The following USP34 variants were observed in gnomAD, a reference collection of about 807,000 sequenced individuals.
USP34 encodes the protein ubiquitin carboxyl-terminal hydrolase 34.
Under a neutral mutation model 460.3 loss-of-function variants are expected in USP34, and 70 were observed. The ratio of observed to expected loss-of-function variants is 0.15; its 90% CI spans 0.13 to 0.19. The LOEUF is 0.19. Among genes scored for constraint, USP34 ranks in the 10% least tolerant of loss-of-function variants. The pLI is 1.00. For missense variants in USP34, 3,985 were observed against 4,236.2 expected (o/e 0.94, Z 1.65); for synonymous variants, 1,647 against 1,405.3 (o/e 1.17, Z -3.85).
intron 27 of USP34, among the ~76,000 whole-genome samples, chr2:61,307,303 C>G (rs113169346): frequency 9.2e-6 from 1 of 108,846 alleles, no homozygotes; most frequent in Non-Finnish European, 1.7e-5. Context: ...CATCACACAC[C>G]GGGGCCTGTC....
At chr2:61,390,004 T>C (rs1425863300) in intron 5 of USP34, among the ~76,000 whole-genome samples, 1 of 152,182 alleles carries the variant, frequency 6.6e-6, no homozygotes, top group Non-Finnish European at 1.5e-5. Flanking sequence ...AAAAAATATG[T>C]AATCCTACCC....
chr2:61,273,881 AAT>A (rs1377230169), intron 41 of USP34, among the ~76,000 whole-genome samples: 1 of 152,190 alleles, frequency 6.6e-6, no homozygotes, highest in East Asian at 1.9e-4. Context: ...AAAAAAAATA[AAT>A]TAGTTAATTA....
At position 61,457,992 on chromosome 2, in the gene USP34, T is replaced by C. The variant is rs1248334548; in HGVS notation, c.43+12658A>G. Among the ~76,000 whole-genome samples the C allele has an allele frequency of 5.3e-5, 8 of 152,312 alleles. No individual in the cohort carries two copies. The South Asian group carries it at 1.7e-3, about 32-fold the overall frequency. ...ACATCTAGCCTACCCTTGTTTTCCC[T>C]TCTATTATCAACCCACAGTGATCTT... On this transcript the variant is annotated intron_variant, in intron 1 of 79. Coordinates refer to ENST00000398571, the MANE Select transcript of USP34 (RefSeq NM_014709.4).
intron 20 of USP34, among the ~76,000 whole-genome samples, 167 bp from the exon 21 acceptor site, chr2:61,325,624 A>G (rs1572936642): frequency 6.6e-6 from 1 of 152,264 alleles, no homozygotes; most frequent in South Asian, 2.1e-4. Context: ...GGCAAAACAA[A>G]AAAATTTATA....
intron 48 of USP34, among the ~76,000 whole-genome samples, chr2:61,253,853 C>T (rs62152265): frequency 0.054 from 8,159 of 151,900 alleles, 326 homozygotes; most frequent in Non-Finnish European, 0.083. Context: ...TCCTGCCCCA[C>T]CCTCCCAAGT....
At chr2:61,382,996 A>G (rs1693020192) in intron 6 of USP34, among the ~76,000 whole-genome samples, 1 of 152,196 alleles carries the variant, frequency 6.6e-6, no homozygotes, top group Non-Finnish European at 1.5e-5. Flanking sequence ...CTTACTGTGT[A>G]TTTGCTGACT....
At chr2:61,361,900 C>T (rs1359895295) in intron 10 of USP34, among the ~76,000 whole-genome samples, 3 of 151,904 alleles carry the variant, frequency 2.0e-5, no homozygotes, top group Non-Finnish European at 2.9e-5. Flanking sequence ...AAAATATTTA[C>T]AAACCATGTA....
At chr2:61,279,517 G>A (rs1689472650) in intron 39 of USP34, among the ~76,000 whole-genome samples, 1 of 152,134 alleles carries the variant, frequency 6.6e-6, no homozygotes, top group Admixed American at 6.5e-5. Context: ...AGGCTAGAGT[G>A]CAGGGGCGTG....
intron 51 of USP34, among the ~76,000 whole-genome samples, chr2:61,244,287 A>C (rs768925629): frequency 5.9e-5 from 9 of 152,176 alleles, no homozygotes; most frequent in Non-Finnish European, 1.2e-4. Flanking sequence ...AGAGAAGTGA[A>C]ATTATTACAA....
chr2:61,386,833 T>C (rs570847495), intron 5 of USP34, among the ~76,000 whole-genome samples: 22 of 152,226 alleles, frequency 1.4e-4, no homozygotes, highest in African/African-American at 4.8e-4. Context: ...TTCATGGCCT[T>C]AGAGTTAAAA....
At chr2:61,399,210 A>G (rs1481100776) in intron 3 of USP34, among the ~76,000 whole-genome samples, 2 of 151,994 alleles carry the variant, frequency 1.3e-5, no homozygotes, top group Non-Finnish European at 1.5e-5. Flanking sequence ...GTCGTGACGC[A>G]TGCCTGTAAT....
At chr2:61,422,057 G>C (rs748709587) in intron 1 of USP34, among the ~76,000 whole-genome samples, 1 of 152,158 alleles carries the variant, frequency 6.6e-6, no homozygotes, top group Non-Finnish European at 1.5e-5. Context: ...CAGGCTTTTG[G>C]GACCTAGATC....
At position 61,211,831 on chromosome 2, in the gene USP34, T is replaced by A; in HGVS notation, c.8781A>T (p.Thr2927=). 1 of 1,608,152 alleles carries A rather than the reference T, an allele frequency of 6.2e-7. No individual in the cohort carries two copies. The highest frequency in any genetic ancestry group is 1.1e-5 in the South Asian group (1 of 89,804). ...AGCAACGTAAGTAACAACTTATGGT[T>A]GTTTTCTTGAACTGTTTAATATCTT... ...ELEDIKQFKK[T]TISCYLRCLD... The change falls in exon 69 of 80, where the codon ACA becomes ACT. Residue 2927 remains threonine (T), a synonymous_variant. Transcript: ENST00000398571.
intron 1 of USP34, among the ~76,000 whole-genome samples, chr2:61,469,344 G>GT (rs1337295650): frequency 6.6e-6 from 1 of 152,136 alleles, no homozygotes; most frequent in Non-Finnish European, 1.5e-5. Flanking sequence ...ATAAAACACA[G>GT]TAAGTATTGA....
chr2:61,284,996 G>A, intron 34 of USP34, 39 bp from the exon 35 acceptor site: 6 of 1,514,476 alleles, frequency 4.0e-6, no homozygotes, highest in Admixed American at 1.8e-5. Context: ...TTTAAATACA[G>A]CAAAAGGAAA....
chr2:61,191,835 A>G (rs1572821684), intron 76 of USP34, among the ~76,000 whole-genome samples: 1 of 152,140 alleles, frequency 6.6e-6, no homozygotes, highest in Non-Finnish European at 1.5e-5. Flanking sequence ...GAGATCTCCA[A>G]TTGACTGAAC....
chr2:61,189,043 C>A lies in USP34; in HGVS notation c.9900G>T (p.Leu3300=). 1 of 1,614,072 alleles carries A rather than the reference C, an allele frequency of 6.2e-7. No individual in the cohort carries two copies. Reference sequence around the variant, plus strand: ...TTAACTGTTTGGGAGTGTGTACTGACAGGAGCAAAGCGAGTGCCCTCAGGT... The same window carrying A: ...TTAACTGTTTGGGAGTGTGTACTGAAAGGAGCAAAGCGAGTGCCCTCAGGT... The part of the protein sequence containing the change: ...NGDLRALALL[L]SVHTPKQLNP... Residue 3300 remains leucine (L), a synonymous_variant, in exon 79 of 80, where the codon CTG becomes CTT. Transcript: ENST00000398571.
intron 1 of USP34, among the ~76,000 whole-genome samples, chr2:61,442,934 C>CAGAG (rs1491191392): frequency 6.8e-6 from 1 of 146,470 alleles, no homozygotes; most frequent in African/African-American, 2.5e-5. Flanking sequence ...CACACACACA[C>CAGAG]AGAGGAATAT....
At chr2:61,261,844 T>C (rs894912877) in intron 43 of USP34, among the ~76,000 whole-genome samples, 3 of 151,762 alleles carry the variant, frequency 2.0e-5, no homozygotes, top group Non-Finnish European at 4.4e-5. Context: ...GTGGCTTACA[T>C]CTGTAATCCC....
Sources: allele counts gnomAD v4.1 joint callset (sites outside exome capture counted in the v4.1 genomes callset), GRCh38; gene constraint gnomAD v4.1.1; transcripts MANE v1.5; gene names NCBI Gene and HGNC (gene_info 2026-07-23, HGNC 2026-07-21).